Variants in SLC25A21 observed in about 807,000 individuals in gnomAD.
The protein encoded by SLC25A21 is solute carrier family 25 member 21, also known as mitochondrial 2-oxodicarboxylate carrier.
A neutral mutation model predicts 43.8 loss-of-function variants in SLC25A21; 47 were observed. That is an observed-to-expected ratio of 1.07 (90% CI 0.85 to 1.37). SLC25A21 has a LOEUF of 1.37. Among genes scored for constraint, SLC25A21 ranks in the 40% most tolerant of loss-of-function variants. The pLI, the probability that SLC25A21 is intolerant of heterozygous loss-of-function variation, is 0.00. For synonymous variants in SLC25A21, 131 were observed against 121.3 expected, an observed-to-expected ratio of 1.08 and a Z score of -0.52; for missense variants, 352 against 350.2, an observed-to-expected ratio of 1.00 and a Z score of -0.04.
intron 3 of SLC25A21, among the ~76,000 whole-genome samples, chr14:36,782,711 CA>C (rs1212979035): frequency 1.3e-5 from 2 of 149,162 alleles, no homozygotes; most frequent in Non-Finnish European, 3.0e-5. Context: ...AACAAAAAAC[CA>C]AACACCGCAT....
At chr14:36,889,764 TC>T (rs1169719350) in intron 1 of SLC25A21, among the ~76,000 whole-genome samples, 5 of 152,076 alleles carry the variant, frequency 3.3e-5, no homozygotes, top group Admixed American at 3.3e-4. Context: ...GTGCTAGAAT[TC>T]CAGGTGTGAG....
At chr14:36,913,711 C>T (rs532204780) in intron 1 of SLC25A21, among the ~76,000 whole-genome samples, 4 of 152,202 alleles carry the variant, frequency 2.6e-5, no homozygotes, top group East Asian at 3.9e-4. Flanking sequence ...TTAAAAGAAC[C>T]TTTTATAAAT....
chr14:36,838,565 A>G (rs1889285350), intron 2 of SLC25A21, among the ~76,000 whole-genome samples: 1 of 152,236 alleles, frequency 6.6e-6, no homozygotes. Flanking sequence ...TGCCTGGGGT[A>G]TGCAGAACAG....
At chr14:36,947,748 A>G (rs1472915407) in intron 1 of SLC25A21, among the ~76,000 whole-genome samples, 1 of 152,148 alleles carries the variant, frequency 6.6e-6, no homozygotes, top group African/African-American at 2.4e-5. Context: ...TTTAGGGGGT[A>G]TTTTATATTA....
At chr14:36,844,515 A>G (rs1307814371) in intron 2 of SLC25A21, among the ~76,000 whole-genome samples, 1 of 152,202 alleles carries the variant, frequency 6.6e-6, no homozygotes, top group Admixed American at 6.5e-5. Context: ...CAAATCTGAA[A>G]CATGATTCCC....
intron 5 of SLC25A21, among the ~76,000 whole-genome samples, chr14:36,726,611 A>T (rs1227237445): frequency 6.6e-6 from 1 of 152,214 alleles, no homozygotes; most frequent in Non-Finnish European, 1.5e-5. Context: ...AGGAAAGGAC[A>T]ATTTTCTAGA....
intron 1 of SLC25A21, among the ~76,000 whole-genome samples, chr14:37,029,907 A>T (rs1002622029): frequency 2.0e-5 from 3 of 151,616 alleles, no homozygotes; most frequent in Non-Finnish European, 4.4e-5. Flanking sequence ...GGGGATTACA[A>T]GCGTGTGCCA....
chr14:36,851,532 T>C (rs191834245), intron 2 of SLC25A21, among the ~76,000 whole-genome samples: 1 of 152,204 alleles, frequency 6.6e-6, no homozygotes, highest in African/African-American at 2.4e-5. Context: ...ACTATTTTTA[T>C]GAATAACATA....
intron 1 of SLC25A21, among the ~76,000 whole-genome samples, chr14:37,079,994 C>T (rs1402701641): frequency 1.3e-5 from 2 of 152,056 alleles, no homozygotes; most frequent in Non-Finnish European, 2.9e-5. Flanking sequence ...CTATGAAGAC[C>T]CAGCTAGAAG....
In SLC25A21 at chr14:36,679,814, A is replaced by G. The variant is rs1594479649; in HGVS notation, c.*844T>C. The G allele has an allele frequency of 2.0e-6, 2 of 985,036 alleles. No homozygotes were observed. Among genetic ancestry groups the G allele is most frequent in the South Asian group, 4.7e-5 (1 of 21,276 alleles). 61.0% of individuals were successfully genotyped at this position (985,036 alleles called of 1,614,324 possible). On this transcript the variant is annotated 3_prime_UTR_variant, in exon 10 of 10. Transcript: ENST00000331299. The stretch of plus-strand genomic sequence containing the variant: ...ACAAATGGGTCCAAAGGTGTTTCCA[A>G]TTTGTGATTTAACATGACAATATCT...
chr14:36,759,184 C>T (rs965270805), intron 3 of SLC25A21, among the ~76,000 whole-genome samples: 7 of 152,078 alleles, frequency 4.6e-5, no homozygotes, highest in African/African-American at 1.7e-4. Flanking sequence ...GCAAACCTGC[C>T]CCAGCAGGCC....
intron 2 of SLC25A21, among the ~76,000 whole-genome samples, chr14:36,841,714 T>C (rs1889389783): frequency 6.6e-6 from 1 of 152,108 alleles, no homozygotes. Context: ...CGTACGGTGG[T>C]TCCCTATTGC....
At chr14:37,017,850 C>T (rs11156931) in intron 1 of SLC25A21, among the ~76,000 whole-genome samples, 42,598 of 151,700 alleles carry the variant, frequency 0.28, 7,264 homozygotes, top group South Asian at 0.41. Context: ...AATATTTTCC[C>T]CTTTTGGATG....
intron 1 of SLC25A21, among the ~76,000 whole-genome samples, chr14:36,911,972 AG>A (rs1163731765): frequency 6.6e-6 from 1 of 152,164 alleles, no homozygotes; most frequent in African/African-American, 2.4e-5. Flanking sequence ...ATCATTTTTG[AG>A]CATTTACTTG....
intron 1 of SLC25A21, among the ~76,000 whole-genome samples, chr14:36,995,349 C>CTTAT (rs1960349783): frequency 6.6e-6 from 1 of 152,074 alleles, no homozygotes; most frequent in Non-Finnish European, 1.5e-5. Flanking sequence ...GGTCGTTTTG[C>CTTAT]TTATAAGACC....
intron 1 of SLC25A21, among the ~76,000 whole-genome samples, chr14:37,141,112 T>C (rs1247650920): frequency 2.0e-5 from 3 of 152,040 alleles, no homozygotes; most frequent in Non-Finnish European, 2.9e-5. Context: ...GCCACCGCAC[T>C]CCAGCCTGGG....
intron 7 of SLC25A21, among the ~76,000 whole-genome samples, chr14:36,687,710 C>T (rs1040109185): frequency 5.9e-5 from 9 of 152,166 alleles, no homozygotes; most frequent in African/African-American, 7.2e-5. Context: ...TGTCACATGC[C>T]GCTAGCCATC....
chr14:37,075,532 T>C (rs933201369), intron 1 of SLC25A21, among the ~76,000 whole-genome samples: 5 of 152,150 alleles, frequency 3.3e-5, no homozygotes, highest in African/African-American at 9.7e-5. Context: ...ACAGTGTACA[T>C]AGAGTGACGG....
Position 37,133,133 on chromosome 14 carries a change from G to C in SLC25A21, c.70+39148C>G, listed in dbSNP as rs147098129. On this transcript the variant is annotated intron_variant, in intron 1 of 9. Coordinates refer to ENST00000331299, the MANE Select transcript of SLC25A21 (RefSeq NM_030631.4). ...TGATACACATACCCCACCTTACTGT[G>C]TGCACTCGTGCACACACACACACAC... Among the ~76,000 whole-genome samples the C allele has an allele frequency of 3.6e-3, 464 of 128,944 alleles. 1 individual carries two copies. Among genetic ancestry groups the C allele is most frequent in the African/African-American group, 0.015 (433 of 28,964 alleles). 84.6% of individuals were successfully genotyped at this position (128,944 alleles called of 152,430 possible).
Sources: gnomAD v4.1 joint callset for allele counts (sites outside exome capture counted in the v4.1 genomes callset) on GRCh38, gnomAD v4.1.1 for gene constraint, MANE v1.5 for transcripts, NCBI Gene and HGNC (gene_info 2026-07-23, HGNC 2026-07-21) for gene names.